The following CADM1 variants were observed in gnomAD, a reference collection of about 807,000 sequenced individuals.
The protein encoded by CADM1 is TSLC-1.
Under a neutral mutation model 53.1 loss-of-function variants are expected in CADM1, and 15 were observed. The observed-to-expected ratio is 0.28, with a 90% CI of 0.19 to 0.44. The LOEUF is 0.44. Ranked by LOEUF, CADM1 falls within the 20% of genes least tolerant of loss-of-function variation. CADM1 has a pLI of 1.00. For missense variants in CADM1, 434 were observed against 611.3 expected (o/e 0.71, Z 3.06); for synonymous variants, 281 against 243.0 (o/e 1.16, Z -1.45).
chr11:115,499,255 G>A (rs1949683761), intron 1 of CADM1, among the ~76,000 whole-genome samples: 1 of 152,062 alleles, frequency 6.6e-6, no homozygotes, highest in African/African-American at 2.4e-5. Context: ...ATTAATCCTT[G>A]AAAAGACAAA....
At chr11:115,410,470 C>CA (rs1448494134) in intron 1 of CADM1, among the ~76,000 whole-genome samples, 3 of 151,878 alleles carry the variant, frequency 2.0e-5, no homozygotes, top group African/African-American at 7.3e-5. Flanking sequence ...GAAAAATAAA[C>CA]AAAGTCTAGA....
In CADM1 at chr11:115,268,873, C is replaced by T. The variant is rs536632630; in HGVS notation, c.125-28453G>A. Among the ~76,000 whole-genome samples, 168 of 152,182 alleles carry T rather than the reference C, an allele frequency of 1.1e-3. 2 individuals are homozygous for T. The highest frequency in any genetic ancestry group is 3.9e-3 in the African/African-American group (161 of 41,540). On this transcript the variant is annotated intron_variant, in intron 1 of 11. Transcript: ENST00000331581. ...ACTTGGCAAGTCAAACTGCCACCAC[C>T]TCAACAGAATGAGTGGGGCTGCAGA...
chr11:115,477,892 T>C (rs1949170773), intron 1 of CADM1, among the ~76,000 whole-genome samples: 1 of 152,238 alleles, frequency 6.6e-6, no homozygotes, highest in African/African-American at 2.4e-5. Flanking sequence ...GATGAAATCC[T>C]GCAGAATACA....
intron 1 of CADM1, among the ~76,000 whole-genome samples, chr11:115,446,080 A>T (rs942092203): frequency 4.6e-5 from 7 of 152,186 alleles, no homozygotes; most frequent in Admixed American, 1.3e-4. Context: ...GATGACTAAG[A>T]CAGAGTCCCT....
At chr11:115,397,955 G>A (rs1049345438) in intron 1 of CADM1, among the ~76,000 whole-genome samples, 3 of 152,068 alleles carry the variant, frequency 2.0e-5, no homozygotes, top group African/African-American at 4.8e-5. Flanking sequence ...TGGGCACATC[G>A]CCATACTTTT....
At chr11:115,473,789 C>G (rs1591282338) in intron 1 of CADM1, among the ~76,000 whole-genome samples, 1 of 152,094 alleles carries the variant, frequency 6.6e-6, no homozygotes, top group Non-Finnish European at 1.5e-5. Context: ...ACAATAAGTT[C>G]TTAGTTACCT....
At chr11:115,398,479 T>C (rs1000739379) in intron 1 of CADM1, among the ~76,000 whole-genome samples, 7 of 152,180 alleles carry the variant, frequency 4.6e-5, no homozygotes, top group African/African-American at 1.2e-4. Context: ...AGCATGGTTC[T>C]CTTCCACGTT....
intron 1 of CADM1, among the ~76,000 whole-genome samples, chr11:115,404,351 AT>A (rs1287242477): frequency 4.4e-5 from 1 of 22,766 alleles, no homozygotes; most frequent in Non-Finnish European, 9.4e-5. Context: ...AAAAAAATAT[AT>A]ATATATATAT....
intron 7 of CADM1, among the ~76,000 whole-genome samples, chr11:115,213,807 C>A (rs1453764537): frequency 6.6e-6 from 1 of 152,162 alleles, no homozygotes; most frequent in Non-Finnish European, 1.5e-5. Context: ...TTTGTCATGT[C>A]AGTTCATGGC....
chr11:115,458,026 G>A (rs991676892), intron 1 of CADM1, among the ~76,000 whole-genome samples: 10 of 151,964 alleles, frequency 6.6e-5, no homozygotes, highest in Admixed American at 4.6e-4. Context: ...TACCTGTGGC[G>A]TTTACAGAAA....
At chr11:115,492,848 C>G (rs553576102) in intron 1 of CADM1, among the ~76,000 whole-genome samples, 104 of 152,126 alleles carry the variant, frequency 6.8e-4, no homozygotes, top group African/African-American at 2.4e-3. Flanking sequence ...TACACTCACA[C>G]AGTTGACCCT....
intron 9 of CADM1, among the ~76,000 whole-genome samples, chr11:115,197,109 C>A (rs991909749): frequency 1.3e-5 from 2 of 152,146 alleles, no homozygotes; most frequent in Admixed American, 1.3e-4. Flanking sequence ...ATATATTGCT[C>A]AGTACCCAAG....
intron 10 of CADM1, among the ~76,000 whole-genome samples, chr11:115,187,065 G>A (rs1024491622): frequency 6.6e-6 from 1 of 152,124 alleles, no homozygotes; most frequent in Non-Finnish European, 1.5e-5. Flanking sequence ...AGCTTTCTAA[G>A]TTACAAAGTA....
intron 1 of CADM1, among the ~76,000 whole-genome samples, chr11:115,276,698 A>C (rs1338774369): frequency 6.6e-6 from 1 of 152,108 alleles, no homozygotes; most frequent in Non-Finnish European, 1.5e-5. Context: ...CTAAAAACTA[A>C]CTTACAAGTA....
chr11:115,408,466 C>T (rs565608879), intron 1 of CADM1, among the ~76,000 whole-genome samples: 1 of 152,274 alleles, frequency 6.6e-6, no homozygotes, highest in Non-Finnish European at 1.5e-5. Flanking sequence ...CTATGCAGGC[C>T]AGCACTCTTC....
At chr11:115,313,588 G>A (rs986740438) in intron 1 of CADM1, among the ~76,000 whole-genome samples, 1 of 152,180 alleles carries the variant, frequency 6.6e-6, no homozygotes, top group Non-Finnish European at 1.5e-5. Flanking sequence ...AGGTCCAAGA[G>A]ACTGCTAACT....
At chr11:115,214,041 G>A (rs1941072965) in intron 7 of CADM1, among the ~76,000 whole-genome samples, 1 of 145,742 alleles carries the variant, frequency 6.9e-6, no homozygotes, top group South Asian at 2.2e-4. Context: ...TAATAATCCT[G>A]TAAAATGATA....
At chr11:115,480,582 G>C (rs966970768) in intron 1 of CADM1, among the ~76,000 whole-genome samples, 4 of 152,134 alleles carry the variant, frequency 2.6e-5, no homozygotes, top group African/African-American at 9.7e-5. Flanking sequence ...CTGGTCTCTG[G>C]GAAGAGTGAC....
chr11:115,268,103 A>C (rs1273050234), intron 1 of CADM1, among the ~76,000 whole-genome samples: 1 of 152,178 alleles, frequency 6.6e-6, no homozygotes, highest in Non-Finnish European at 1.5e-5. Context: ...AGTAGTGTTG[A>C]TGGGTTTGCA....
Sources: allele counts gnomAD v4.1 joint callset (sites outside exome capture counted in the v4.1 genomes callset), GRCh38; gene constraint gnomAD v4.1.1; transcripts MANE v1.5; gene names NCBI Gene and HGNC (gene_info 2026-07-23, HGNC 2026-07-21).